Variants in TTC4 observed in about 807,000 individuals in gnomAD.
The protein encoded by TTC4 is tetratricopeptide repeat domain 4.
Under a neutral mutation model 51.9 loss-of-function variants are expected in TTC4, and 36 were observed. The observed-to-expected ratio is 0.69, with a 90% CI of 0.53 to 0.92. The LOEUF is 0.92. Ranked by LOEUF, TTC4 falls within the 40% of genes least tolerant of loss-of-function variation. The pLI, the probability that TTC4 is intolerant of heterozygous loss-of-function variation, is 0.00. For missense variants in TTC4, 399 were observed against 454.6 expected, an observed-to-expected ratio of 0.88 and a Z score of 1.11; for synonymous variants, 144 against 164.2, an observed-to-expected ratio of 0.88 and a Z score of 0.94.
intron 8 of TTC4, among the ~76,000 whole-genome samples, chr1:54,735,627 C>T (rs144970277): frequency 1.3e-5 from 2 of 152,300 alleles, no homozygotes; most frequent in African/African-American, 4.8e-5. Flanking sequence ...ATGATGTTCA[C>T]TCTGATCACC....
intron 8 of TTC4, among the ~76,000 whole-genome samples, chr1:54,736,176 GA>G (rs1645931468): frequency 2.2e-3 from 5 of 2,324 alleles, no homozygotes; most frequent in South Asian, 0.037. Flanking sequence ...AGAAAGAAAG[GA>G]GAGAGAGAGA....
At chr1:54,732,644 G>A (rs1477814215) in intron 7 of TTC4, among the ~76,000 whole-genome samples, 1 of 151,770 alleles carries the variant, frequency 6.6e-6, no homozygotes, top group African/African-American at 2.4e-5. Context: ...TTCTTTGGTA[G>A]ACACAGAGTC....
chr1:54,733,746 AATT>A, intron 8 of TTC4, 36 bp downstream of exon 8: 3 of 1,078,844 alleles, frequency 2.8e-6, no homozygotes, highest in Non-Finnish European at 3.9e-6. Flanking sequence ...CTATGGAATT[AATT>A]TTTTTTTTTT....
intron 6 of TTC4, among the ~76,000 whole-genome samples, chr1:54,730,403 G>A (rs1645851006): frequency 6.6e-6 from 1 of 151,944 alleles, no homozygotes; most frequent in African/African-American, 2.4e-5. Context: ...ATGGTTAAAG[G>A]GAGGAGTCAG....
At position 54,717,536 on chromosome 1, in the gene TTC4, GA is replaced by G; in HGVS notation, c.279del (p.Asp94ThrfsTer6). On this transcript the variant is annotated frameshift_variant, in exon 3 of 10. Transcript: ENST00000371281. LOFTEE classifies it high-confidence loss of function. ...YKDEGNDYFKEKDYKKAVISY... is the reference protein window; with the variant it reads ...YKDEGNDYFKXKDYKKAVISY... The stretch of plus-strand genomic sequence containing the variant: ...AGATGAGGGCAATGATTACTTTAAA[GA>G]AAAAGACTACAAGAAAGCTGTAATT... 2 of 1,609,330 alleles carry G rather than the reference GA, an allele frequency of 1.2e-6. No homozygotes were observed. The highest frequency in any genetic ancestry group is 1.7e-5 in the Admixed American group (1 of 59,024).
chr1:54,729,585 C>G (rs1360582258), intron 6 of TTC4, among the ~76,000 whole-genome samples: 1 of 152,078 alleles, frequency 6.6e-6, no homozygotes, highest in African/African-American at 2.4e-5. Flanking sequence ...AAAATGCCAC[C>G]CTGTCTTTCT....
At chr1:54,728,232 T>G (rs897081537) in intron 5 of TTC4, 114 bp from the exon 6 acceptor site, 1 of 904,576 alleles carries the variant, frequency 1.1e-6, no homozygotes, top group African/African-American at 1.7e-5. Flanking sequence ...TGGTATTCCT[T>G]AACACAGGAG....
At chr1:54,739,516 C>A (rs976090864) in intron 9 of TTC4, among the ~76,000 whole-genome samples, 1 of 152,164 alleles carries the variant, frequency 6.6e-6, no homozygotes, top group African/African-American at 2.4e-5. Flanking sequence ...CTGCACAGGG[C>A]AGTCCTGCTA....
chr1:54,741,443 T>C lies in TTC4; in HGVS notation c.1094T>C (p.Leu365Ser). 1 of 1,614,218 alleles carries C rather than the reference T, an allele frequency of 6.2e-7. No homozygotes were observed. Among genetic ancestry groups the C allele is most frequent in the Non-Finnish European group, 8.5e-7 (1 of 1,180,042 alleles). Residue 365 changes from leucine (L) to serine (S), a missense_variant, in exon 10 of 10, where the codon TTG becomes TCG. This residue lies in a region of TTC4 where 64 missense variants were observed against 61.3 expected (regional missense o/e 1.04). Coordinates refer to ENST00000371281, the MANE Select transcript of TTC4 (RefSeq NM_004623.5). ...YFVKALTPAF[L>S]VCVGSSPFCK... is the part of the protein sequence containing the mutation. ...GTAAAAGCCCTGACACCAGCATTTTTGGTCTGTGTAGGATCCTCTCCTTTT... is the reference window on the plus strand; with the variant it reads ...GTAAAAGCCCTGACACCAGCATTTTCGGTCTGTGTAGGATCCTCTCCTTTT...
In TTC4 at chr1:54,730,020, C is replaced by T. The variant is rs372135708; in HGVS notation, c.682-1466C>T. Among the ~76,000 whole-genome samples the T allele has an allele frequency of 9.9e-5, 15 of 152,242 alleles. No individual in the cohort carries two copies. The East Asian group carries it at 1.5e-3, about 16-fold the overall frequency. ...ATAGGCGTGAGCCACGGTGCCCAAC[C>T]GGGGTAGGTTTTTTGTTTTATTATT... On this transcript the variant is annotated intron_variant, in intron 6 of 9. Transcript: ENST00000371281.
At chr1:54,729,294 C>T (rs1645837149) in intron 6 of TTC4, among the ~76,000 whole-genome samples, 1 of 152,138 alleles carries the variant, frequency 6.6e-6, no homozygotes, top group Admixed American at 6.5e-5. Context: ...CATGGTTGAC[C>T]ACTGGTAACT....
At chr1:54,716,255 G>C (rs1443948428) in intron 1 of TTC4, 3 of 551,262 alleles carry the variant, frequency 5.4e-6, no homozygotes, top group Non-Finnish European at 9.7e-6. Flanking sequence ...ATATGAGTCA[G>C]TTACTTAACT....
rs1645998541 is a variant in TTC4, at chr1:54,740,472, G to A, written c.1062-939G>A. Among the ~76,000 whole-genome samples, 2 of 152,258 alleles carry A rather than the reference G, an allele frequency of 1.3e-5. 1 individual carries two copies. The highest frequency in any genetic ancestry group is 6.8e-3 in the Middle Eastern group (2 of 294). On this transcript the variant is annotated intron_variant, in intron 9 of 9. Coordinates refer to ENST00000371281, the MANE Select transcript of TTC4 (RefSeq NM_004623.5). ...TAGCTGCTCATTTTCTCAGTTGTTA[G>A]CAAATTACCCAGAATTCTTTAAAGG... is the stretch of plus-strand genomic sequence containing the variant.
chr1:54,736,507 A>C (rs1403449062), intron 8 of TTC4, among the ~76,000 whole-genome samples: 1 of 151,902 alleles, frequency 6.6e-6, no homozygotes, highest in Non-Finnish European at 1.5e-5. Flanking sequence ...AGTAGCTGGG[A>C]CCACAGGCGT....
intron 9 of TTC4, among the ~76,000 whole-genome samples, chr1:54,738,898 G>A (rs1645979613): frequency 6.6e-6 from 1 of 151,706 alleles, no homozygotes; most frequent in African/African-American, 2.4e-5. Context: ...CCTGACCTCA[G>A]GTGATCCACT....
chr1:54,727,491 A>G (rs1205635947), intron 5 of TTC4, among the ~76,000 whole-genome samples: 1 of 152,190 alleles, frequency 6.6e-6, no homozygotes, highest in Admixed American at 6.5e-5. Context: ...ATTGCACTTC[A>G]TCAAAAGTAA....
At position 54,731,817 on chromosome 1, in the gene TTC4, C is replaced by T. The variant is rs556624747; in HGVS notation, c.896+117C>T. On this transcript the variant is annotated intron_variant, in intron 7 of 9. Transcript: ENST00000371281. ...GAAGATAATGGTTTAGAGGGTTTCA[C>T]ACCATCTGGTTTGATAATAACCTCT... 224 of 974,932 alleles carry T rather than the reference C, an allele frequency of 2.3e-4. 1 individual carries two copies. In the East Asian group the frequency reaches 4.6e-3, roughly 20 times the overall value. 60.4% of individuals were successfully genotyped at this position (974,932 alleles called of 1,614,324 possible).
At position 54,717,509 on chromosome 1, in the gene TTC4, A is replaced by G. The variant is rs1645690498; in HGVS notation, c.247A>G (p.Lys83Glu). 6.3e-7 allele frequency: 1 copy of G among 1,598,600 alleles called. No homozygotes were observed. The highest frequency in any genetic ancestry group is 8.5e-7 in the Non-Finnish European group (1 of 1,174,726). ...RSPEEQAKTYKDEGNDYFKEK... is the reference protein window; with the variant it reads ...RSPEEQAKTYEDEGNDYFKEK... Reference sequence around the variant, plus strand: ...CTTTGCAGAACAGGCCAAGACCTATAAAGATGAGGGCAATGATTACTTTAA... The same window carrying G: ...CTTTGCAGAACAGGCCAAGACCTATGAAGATGAGGGCAATGATTACTTTAA... The change falls in exon 3 of 10, where the codon AAA (lysine) becomes GAA (glutamate). Residue 83 changes from lysine to glutamate, a missense_variant. Transcript: ENST00000371281.
At chr1:54,721,127 A>C in intron 3 of TTC4, 36 bp from the exon 4 acceptor site, 1 of 1,607,080 alleles carries the variant, frequency 6.2e-7, no homozygotes, top group Admixed American at 1.7e-5. Flanking sequence ...TTTTGATCTC[A>C]AAACTTCTCT....
Sources: allele counts gnomAD v4.1 joint callset (sites outside exome capture counted in the v4.1 genomes callset), GRCh38; gene constraint gnomAD v4.1.1; regional missense constraint gnomAD v4.1.1; transcripts MANE v1.5; gene names NCBI Gene and HGNC (gene_info 2026-07-23, HGNC 2026-07-21).